OGT: variants seen among roughly 807,000 people sequenced by gnomAD.
OGT encodes O-linked N-acetylglucosamine (GlcNAc) transferase.
OGT carries 3 observed loss-of-function variants against 75.8 expected under a neutral mutation model. That is an observed-to-expected ratio of 0.04 (90% CI 0.02 to 0.10). OGT has a LOEUF of 0.10. Ranked by LOEUF, OGT falls within the 10% of genes least tolerant of loss-of-function variation. The pLI is 1.00. For missense variants in OGT, 260 were observed against 824.4 expected (o/e 0.32, Z 8.38); for synonymous variants, 257 against 289.7 (o/e 0.89, Z 1.15).
chrX:71,536,962 GTTTTTTT>G (rs1195640430), intron 2 of OGT: 4 of 122,666 alleles, frequency 3.3e-5, no homozygotes, highest in Admixed American at 1.3e-4. Flanking sequence ...AATGTGGTGG[GTTTTTTT>G]TTTTTTTTTT....
chrX:71,556,139 G>A lies in OGT; in HGVS notation c.1065+45G>A, dbSNP rs1178809695. On this transcript the variant is annotated intron_variant, in intron 8 of 21. Transcript: ENST00000373719. Reference sequence around the variant, plus strand: ...CTGGGCATTTAGCATGATAGTAGAGGGAAAGCAGTTAAGTTTACCATCATC... The same window carrying A: ...CTGGGCATTTAGCATGATAGTAGAGAGAAAGCAGTTAAGTTTACCATCATC... The A allele has an allele frequency of 6.0e-6, 7 of 1,157,392 alleles. No individual in the cohort carries two copies. The Admixed American group carries it at 7.0e-5, about 12-fold the overall frequency.
intron 5 of OGT, among the ~76,000 whole-genome samples, chrX:71,549,322 A>T (rs1025717964): frequency 3.7e-5 from 4 of 106,674 alleles, no homozygotes; most frequent in African/African-American, 1.0e-4. Flanking sequence ...AAAAAAAAAA[A>T]ATTAGGCTAA....
At chrX:71,565,879 C>T (rs1156683578) in intron 19 of OGT, among the ~76,000 whole-genome samples, 1 of 112,501 alleles carries the variant, frequency 8.9e-6, no homozygotes, top group Non-Finnish European at 1.9e-5. Flanking sequence ...CTGGTCTAAA[C>T]TGATAGCATA....
intron 1 of OGT, among the ~76,000 whole-genome samples, 200 bp downstream of exon 1, chrX:71,533,536 C>CCTTG (rs1374031784): frequency 1.8e-5 from 2 of 112,065 alleles, no homozygotes; most frequent in Non-Finnish European, 3.8e-5. Context: ...CCTCCTCCTC[C>CCTTG]CTTGCTTGCT....
intron 8 of OGT, chrX:71,556,327 A>G: frequency 2.5e-6 from 1 of 401,124 alleles, no homozygotes; most frequent in Non-Finnish European, 4.3e-6. Flanking sequence ...CAAAAAAATT[A>G]AACATTAACC....
intron 5 of OGT, among the ~76,000 whole-genome samples, chrX:71,549,994 T>C (rs2040291219): frequency 8.9e-6 from 1 of 111,984 alleles, no homozygotes; most frequent in Admixed American, 9.4e-5. Context: ...TGAGCATCAA[T>C]AGGAATAATA....
chrX:71,564,815 A>G, intron 19 of OGT, 62 bp downstream of exon 19: 1 of 946,645 alleles, frequency 1.1e-6, no homozygotes, highest in East Asian at 3.2e-5. Flanking sequence ...CTTGCTGAAG[A>G]TGGTCCTTCC....
intron 2 of OGT, 24 bp from the exon 3 acceptor site, chrX:71,537,805 A>G (rs2040189947): frequency 2.5e-6 from 3 of 1,208,964 alleles, no homozygotes; most frequent in South Asian, 1.8e-5. Flanking sequence ...ATACCCATGC[A>G]TTAACACTTG....
intron 15 of OGT, among the ~76,000 whole-genome samples, 165 bp downstream of exon 15, chrX:71,562,065 C>T (rs1478094063): frequency 1.8e-5 from 2 of 112,444 alleles, no homozygotes; most frequent in Non-Finnish European, 3.8e-5. Context: ...GTGTAGAGCA[C>T]AGTGCTTATA....
chrX:71,544,850 C>G, intron 4 of OGT: 1 of 407,781 alleles, frequency 2.5e-6, no homozygotes, highest in Non-Finnish European at 4.3e-6. Context: ...ATTTTGGAGC[C>G]TTTCTGCTGA....
intron 4 of OGT, chrX:71,547,670 T>C: frequency 9.6e-7 from 1 of 1,037,079 alleles, no homozygotes; most frequent in South Asian, 2.5e-5. Flanking sequence ...GAACTGAACA[T>C]GGTGGTTTGC....
At chrX:71,558,806 C>T (rs1316570595) in intron 12 of OGT, among the ~76,000 whole-genome samples, 2 of 78,721 alleles carry the variant, frequency 2.5e-5, no homozygotes, top group Non-Finnish European at 4.5e-5. Flanking sequence ...CAGGGTCTTG[C>T]TCTGTTGCCC....
At chrX:71,536,974 T>TG in intron 2 of OGT, 1 of 198,660 alleles carries the variant, frequency 5.0e-6, no homozygotes, top group African/African-American at 3.6e-5. Context: ...TTTTTTTTTT[T>TG]TTTTTTTTTT....
chrX:71,547,596 T>G, intron 4 of OGT: 1 of 898,122 alleles, frequency 1.1e-6, no homozygotes, highest in Non-Finnish European at 1.4e-6. Flanking sequence ...AACTCCAGCA[T>G]AGAGCCTTAT....
chrX:71,533,122 G>A lies in OGT; in HGVS notation c.-178G>A, dbSNP rs555622975. ...CGCCGCCATTTCAAGACCGTACTAGGTAGATGGTCAATTAGAGTTCCCAGG... is the reference window on the plus strand; with the variant it reads ...CGCCGCCATTTCAAGACCGTACTAGATAGATGGTCAATTAGAGTTCCCAGG... On this transcript the variant is annotated 5_prime_UTR_variant, in exon 1 of 22. Coordinates refer to ENST00000373719, the MANE Select transcript of OGT (RefSeq NM_181672.3). 8.6e-6 allele frequency: 4 copies of A among 466,612 alleles called. No individual in the cohort carries two copies. The South Asian group carries it at 1.2e-4, about 14-fold the overall frequency. The allele number at this position is 466,612 out of a possible 1,213,427, so 38.5% of individuals were successfully genotyped here. A position where few individuals can be genotyped will look rare whatever the true frequency, so the allele number is the denominator to read the frequency against.
At chrX:71,551,070 T>C (rs925771442) in intron 5 of OGT, among the ~76,000 whole-genome samples, 2 of 112,282 alleles carry the variant, frequency 1.8e-5, no homozygotes, top group African/African-American at 6.5e-5. Context: ...AAAAATAAGT[T>C]AGTGAGGTGA....
chrX:71,559,655 A>C lies in OGT; in HGVS notation c.1829A>C (p.Asn610Thr). 8.3e-7 allele frequency: 1 copy of C among 1,208,806 alleles called. No individual in the cohort carries two copies. Among genetic ancestry groups the C allele is most frequent in the East Asian group, 3.0e-5 (1 of 33,830 alleles). The change falls in exon 14 of 22, where the codon AAT (asparagine) becomes ACT (threonine). Residue 610 changes from asparagine to threonine, a missense_variant. Asn to Thr is a moderately conservative substitution (Grantham distance 65). This residue lies in a region of OGT where 99 missense variants were observed against 417.9 expected (regional missense o/e 0.24). Transcript: ENST00000373719. ...NFRVKVMAEA[N>T]HFIDLSQIPC... ...CGAGTGAAGGTGATGGCAGAAGCCAATCATTTCATTGATCTTTCTCAGGTA... is the reference window on the plus strand; with the variant it reads ...CGAGTGAAGGTGATGGCAGAAGCCACTCATTTCATTGATCTTTCTCAGGTA...
chrX:71,565,113 C>T (rs768099189), intron 19 of OGT, among the ~76,000 whole-genome samples: 21 of 112,394 alleles, frequency 1.9e-4, no homozygotes, highest in African/African-American at 5.8e-4. Context: ...GAGCCAAGAT[C>T]GTGCCATTGC....
intron 12 of OGT, 68 bp downstream of exon 12, chrX:71,557,740 A>G: frequency 1.0e-6 from 1 of 955,387 alleles, no homozygotes; most frequent in South Asian, 2.5e-5. Context: ...TGTAAAAATC[A>G]AATCTGTGGC....
Sources: gnomAD v4.1 joint callset for allele counts (sites outside exome capture counted in the v4.1 genomes callset) on GRCh38, gnomAD v4.1.1 for gene constraint, gnomAD v4.1.1 regional missense constraint, MANE v1.5 for transcripts, NCBI Gene and HGNC (gene_info 2026-07-23, HGNC 2026-07-21) for gene names.